Variants in FBXO28 observed in about 807,000 individuals in gnomAD.
FBXO28 encodes F-box only protein 28.
Under a neutral mutation model 38.1 loss-of-function variants are expected in FBXO28, and 8 were observed. The ratio of observed to expected loss-of-function variants is 0.21; its 90% CI spans 0.12 to 0.38. The LOEUF is 0.38. Ranked by LOEUF, FBXO28 falls within the 10% of genes least tolerant of loss-of-function variation. The probability of loss-of-function intolerance (pLI) is 1.00; values close to 1 mark genes in which losing one functional copy is unlikely to be tolerated. For synonymous variants in FBXO28, 168 were observed against 173.8 expected, an observed-to-expected ratio of 0.97 and a Z score of 0.26; for missense variants, 345 against 460.6, an observed-to-expected ratio of 0.75 and a Z score of 2.30.
chr1:224,123,738 C>T (rs879331853), intron 1 of FBXO28, among the ~76,000 whole-genome samples: 4 of 152,080 alleles, frequency 2.6e-5, no homozygotes, highest in African/African-American at 2.4e-5. Context: ...AGGTCTATTC[C>T]ACTGTCAAAT....
chr1:224,117,197 C>T (rs1656662206), intron 1 of FBXO28, among the ~76,000 whole-genome samples: 1 of 125,512 alleles, frequency 8.0e-6, no homozygotes, highest in Non-Finnish European at 1.6e-5. Context: ...GACGGAGTCT[C>T]GCTCTGTCAC....
chr1:224,150,586 A>C (rs546819225), intron 3 of FBXO28, among the ~76,000 whole-genome samples: 1 of 152,324 alleles, frequency 6.6e-6, no homozygotes, highest in African/African-American at 2.4e-5. Context: ...GGAGATATAC[A>C]TGTATATATA....
rs993641684 is a variant in FBXO28 at position 224,134,134 on chromosome 1, T to G, written c.438T>G (p.Val146=). The G allele has an allele frequency of 1.2e-6, 2 of 1,610,632 alleles. No homozygotes were observed. The highest frequency in any genetic ancestry group is 1.7e-6 in the Non-Finnish European group (2 of 1,178,470). ...GTCATGCAGACATTCTTGCTGCTGT[T>G]GAAACAAGGCTGTCACTATTAAATA... is the stretch of plus-strand genomic sequence containing the variant. ...LARHADILAA[V]ETRLSLLNMT... is the part of the protein sequence containing the mutation. Residue 146 remains valine, a synonymous_variant, in exon 3 of 5, where the codon GTT becomes GTG. Transcript: ENST00000366862.
rs1657902402 is a variant in FBXO28 at position 224,161,331 on chromosome 1, C to A, written c.*3585C>A. On this transcript the variant is annotated 3_prime_UTR_variant, in exon 5 of 5. Coordinates refer to ENST00000366862, the MANE Select transcript of FBXO28 (RefSeq NM_015176.4). ...ATGAGTACCCATTTGTTACACTTAC[C>A]AAACTCTCTAAAAACATATACTGTG... The A allele has an allele frequency of 6.6e-6, 1 of 152,098 alleles. No individual in the cohort carries two copies. Among genetic ancestry groups the A allele is most frequent in the Non-Finnish European group, 1.5e-5 (1 of 68,022 alleles). The allele number at this position is 152,098 out of a possible 1,614,324, so 9.4% of individuals were successfully genotyped here.
At chr1:224,143,671 AAAAT>A (rs371611358) in intron 3 of FBXO28, among the ~76,000 whole-genome samples, 315 of 152,100 alleles carry the variant, frequency 2.1e-3, no homozygotes, top group African/African-American at 7.0e-3. Flanking sequence ...AAAAATACAA[AAAAT>A]AAATAAATAA....
Position 224,157,496 on chromosome 1 carries a change from G to T in FBXO28, c.857G>T (p.Arg286Leu). 1 of 1,614,208 alleles carries T rather than the reference G, an allele frequency of 6.2e-7. No homozygotes were observed. The highest frequency in any genetic ancestry group is 8.5e-7 in the Non-Finnish European group (1 of 1,180,046). ...TVLRREISELRTKVQEQQKQL... is the reference protein window; with the variant it reads ...TVLRREISELLTKVQEQQKQL... Reference sequence around the variant, plus strand: ...CTCAGGCGTGAAATTTCTGAGCTTCGCACCAAAGTGCAAGAACAGCAAAAA... The same window carrying T: ...CTCAGGCGTGAAATTTCTGAGCTTCTCACCAAAGTGCAAGAACAGCAAAAA... The change falls in exon 5 of 5, where the codon CGC (arginine) becomes CTC (leucine). Residue 286 changes from arginine (R) to leucine (L), a missense_variant. By Grantham distance (102) the Arg-to-Leu change is moderately radical. Around this residue, in one of 6 missense-constraint regions of FBXO28, gnomAD observed 151 missense variants for 188.3 expected, o/e 0.80. Coordinates refer to ENST00000366862, the MANE Select transcript of FBXO28 (RefSeq NM_015176.4).
intron 2 of FBXO28, among the ~76,000 whole-genome samples, chr1:224,133,649 C>G (rs1326811461): frequency 6.6e-6 from 1 of 152,016 alleles, no homozygotes; most frequent in Non-Finnish European, 1.5e-5. Context: ...TCCCTAGTAG[C>G]TGGGACTATA....
Position 224,158,767 on chromosome 1 carries a change from G to C in FBXO28, c.*1021G>C, listed in dbSNP as rs1657828562. On this transcript the variant is annotated 3_prime_UTR_variant, in exon 5 of 5. Transcript: ENST00000366862. ...ATCATTGATCAGATGTGGTGAGTGA[G>C]TAGGGGACTCGACTTGCGGGATGCA... 6.6e-6 allele frequency: 1 copy of C among 152,446 alleles called. No homozygotes were observed. The highest frequency in any genetic ancestry group is 1.5e-5 in the Non-Finnish European group (1 of 68,024). The allele number at this position is 152,446 out of a possible 1,614,324, so 9.4% of individuals were successfully genotyped here.
intron 1 of FBXO28, among the ~76,000 whole-genome samples, chr1:224,117,188 A>G (rs1162405799): frequency 9.9e-6 from 1 of 101,382 alleles, no homozygotes; most frequent in Non-Finnish European, 1.8e-5. Flanking sequence ...TTTTTTTGAG[A>G]CGGAGTCTCG....
At chr1:224,130,403 A>G (rs948427138) in intron 1 of FBXO28, 69 bp from the exon 2 acceptor site, 6 of 995,640 alleles carry the variant, frequency 6.0e-6, no homozygotes, top group African/African-American at 1.6e-5. Flanking sequence ...GCTTTAAGCC[A>G]TCAGTTATGA....
At chr1:224,115,361 G>A (rs1656621069) in intron 1 of FBXO28, among the ~76,000 whole-genome samples, 1 of 152,150 alleles carries the variant, frequency 6.6e-6, no homozygotes, top group Non-Finnish European at 1.5e-5. Flanking sequence ...CCATGGAGAA[G>A]CTAAATCTGT....
Position 224,142,053 on chromosome 1 carries a change from T to C in FBXO28, c.516+7841T>C, listed in dbSNP as rs1381687467. Among the ~76,000 whole-genome samples, 59 of 152,054 alleles carry C rather than the reference T, an allele frequency of 3.9e-4. No homozygotes were observed. In the East Asian group the frequency reaches 0.011, roughly 29 times the overall value. On this transcript the variant is annotated intron_variant, in intron 3 of 4. Coordinates refer to ENST00000366862, the MANE Select transcript of FBXO28 (RefSeq NM_015176.4). ...TCTACAGGCACATTAAATTTTTTTT[T>C]TTTTTTTAATTTTTGGGGCCAGGCA... is the stretch of plus-strand genomic sequence containing the variant.
chr1:224,154,139 G>A (rs779921801), intron 4 of FBXO28, among the ~76,000 whole-genome samples: 8 of 152,126 alleles, frequency 5.3e-5, no homozygotes, highest in African/African-American at 1.9e-4. Flanking sequence ...CTTAATACAC[G>A]AACCTACCGA....
At chr1:224,123,130 G>A (rs1426752632) in intron 1 of FBXO28, among the ~76,000 whole-genome samples, 1 of 152,034 alleles carries the variant, frequency 6.6e-6, no homozygotes, top group Admixed American at 6.6e-5. Context: ...CAGTTCTGGA[G>A]TCTTAACAAG....
chr1:224,156,243 T>G (rs1391690647), intron 4 of FBXO28, among the ~76,000 whole-genome samples: 1 of 152,234 alleles, frequency 6.6e-6, no homozygotes, highest in African/African-American at 2.4e-5. Context: ...ATTTTTATGC[T>G]TGTGTTACAT....
intron 3 of FBXO28, among the ~76,000 whole-genome samples, chr1:224,145,076 G>A (rs976922320): frequency 6.6e-5 from 10 of 151,716 alleles, no homozygotes; most frequent in East Asian, 1.9e-4. Context: ...GAGGTCAGGC[G>A]TTCAAGACCA....
At chr1:224,128,058 T>C (rs993003612) in intron 1 of FBXO28, among the ~76,000 whole-genome samples, 10 of 152,276 alleles carry the variant, frequency 6.6e-5, no homozygotes, top group Non-Finnish European at 1.2e-4. Context: ...TTCTTGAGCT[T>C]CAACCCAGTT....
At chr1:224,127,905 AAAAC>A (rs202086567) in intron 1 of FBXO28, among the ~76,000 whole-genome samples, 384 of 152,308 alleles carry the variant, frequency 2.5e-3, no homozygotes, top group African/African-American at 8.3e-3. Context: ...ACTCTGTCTG[AAAAC>A]AAACAAACAA....
intron 3 of FBXO28, among the ~76,000 whole-genome samples, chr1:224,146,372 GAAAAATGAGAA>G (rs1393465885): frequency 1.3e-5 from 2 of 151,978 alleles, no homozygotes; most frequent in Admixed American, 1.3e-4. Flanking sequence ...AAAGACAGAT[GAAAAATGAGAA>G]AAAAATGAGC....
Sources: allele counts gnomAD v4.1 joint callset (sites outside exome capture counted in the v4.1 genomes callset), GRCh38; gene constraint gnomAD v4.1.1; regional missense constraint gnomAD v4.1.1; transcripts MANE v1.5; gene names NCBI Gene and HGNC (gene_info 2026-07-23, HGNC 2026-07-21).